FADS2: variants seen among roughly 807,000 people sequenced by gnomAD.
The protein encoded by FADS2 is acyl-CoA 6-desaturase.
A neutral mutation model predicts 61.2 loss-of-function variants in FADS2; 18 were observed. That is an observed-to-expected ratio of 0.29 (90% CI 0.20 to 0.44). The LOEUF is 0.44. Ranked by LOEUF, FADS2 falls within the 20% of genes least tolerant of loss-of-function variation. The pLI is 1.00. For synonymous variants in FADS2, 203 were observed against 223.9 expected (o/e 0.91, Z 0.83); for missense variants, 322 against 572.7 (o/e 0.56, Z 4.47).
chr11:61,863,997 C>T (rs2067440422), intron 10 of FADS2: 2 of 541,298 alleles, frequency 3.7e-6, no homozygotes, highest in Admixed American at 3.0e-5. Context: ...CTGTGCCCCT[C>T]ATGCTGTGCC....
intron 10 of FADS2, chr11:61,864,115 C>T (rs1430074925): frequency 2.4e-5 from 7 of 288,926 alleles, no homozygotes; most frequent in Admixed American, 1.9e-4. Context: ...GGCAGGGCTA[C>T]GTAGCTTGCC....
chr11:61,824,148 G>A (rs1386816359), upstream of FADS2, among the ~76,000 whole-genome samples: 4 of 151,888 alleles, frequency 2.6e-5, no homozygotes, highest in African/African-American at 9.7e-5. Flanking sequence ...TTGGGAGGCC[G>A]AGGTGGGCAG....
chr11:61,857,208 C>T, intron 6 of FADS2, 137 bp downstream of exon 6: 1 of 825,372 alleles, frequency 1.2e-6, no homozygotes, highest in Non-Finnish European at 2.0e-6. Context: ...CCACAGCAGC[C>T]TTGCTGTGCA....
At chr11:61,820,100 G>A (rs914263136) in intron 1 of FADS2, among the ~76,000 whole-genome samples, 8 of 151,944 alleles carry the variant, frequency 5.3e-5, no homozygotes, top group South Asian at 4.2e-4. Flanking sequence ...AGCTACTTGG[G>A]AGGCTGAGTC....
In FADS2 at chr11:61,863,323, A is replaced by G; in HGVS notation, c.1022A>G (p.Asn341Ser). Residue 341 changes from asparagine to serine, a missense_variant, in exon 9 of 12, where the codon AAT (asparagine) becomes AGT (serine). Transcript: ENST00000278840. ...TGGTTTGTGTGGGTCACACAGATGA[A>G]TCACATCGTCATGGAGATTGACCAG... The part of the protein sequence containing the change: ...SHWFVWVTQM[N>S]HIVMEIDQEA... 6.2e-7 allele frequency: 1 copy of G among 1,614,098 alleles called. No individual in the cohort carries two copies. The highest frequency in any genetic ancestry group is 8.5e-7 in the Non-Finnish European group (1 of 1,179,996).
chr11:61,857,858 A>G (rs768340654), intron 7 of FADS2, among the ~76,000 whole-genome samples: 1 of 152,188 alleles, frequency 6.6e-6, no homozygotes, highest in Non-Finnish European at 1.5e-5. Context: ...CCTGAGTCCC[A>G]TGAACTGGGT....
Position 61,865,581 on chromosome 11 carries a change from C to T in FADS2, c.1284-57C>T. 6.6e-7 allele frequency: 1 copy of T among 1,524,164 alleles called. No homozygotes were observed. The highest frequency in any genetic ancestry group is 1.7e-5 in the Admixed American group (1 of 58,384). The allele number at this position is 1,524,164 out of a possible 1,614,324, so 94.4% of individuals were successfully genotyped here. ...AATGATGGCCTCCTCAGCCCTTGCACTCCCTGGGGCCACTCCCGTCCTGGT... is the reference window on the plus strand; with the variant it reads ...AATGATGGCCTCCTCAGCCCTTGCATTCCCTGGGGCCACTCCCGTCCTGGT... On this transcript the variant is annotated intron_variant, in intron 11 of 11. Transcript: ENST00000278840. This position sits in a 1 kb window ranked among gnomAD's most constrained non-coding sequence, Gnocchi z 4.1.
intron 4 of FADS2, among the ~76,000 whole-genome samples, chr11:61,841,465 G>A (rs1182511428): frequency 6.6e-6 from 1 of 151,264 alleles, no homozygotes; most frequent in African/African-American, 2.4e-5. Context: ...CTGGGAGGCT[G>A]AGGCAGGAGA....
chr11:61,824,436 GA>G, upstream of FADS2, among the ~76,000 whole-genome samples: 3 of 2,412 alleles, frequency 1.2e-3, no homozygotes, highest in Admixed American at 6.5e-3. Context: ...GAGAGAGAGG[GA>G]GGGAGGGAGG....
intron 4 of FADS2, among the ~76,000 whole-genome samples, chr11:61,841,981 C>T (rs1411090416): frequency 6.6e-6 from 1 of 152,204 alleles, no homozygotes; most frequent in Admixed American, 6.5e-5. Context: ...ATCTGACAGG[C>T]GTTATCTCCT....
At chr11:61,827,938 TG>T, upstream of FADS2, 2 of 689,462 alleles carry the variant, frequency 2.9e-6, no homozygotes, top group Non-Finnish European at 3.6e-6. This position sits in a 1 kb window ranked among gnomAD's most constrained non-coding sequence, Gnocchi z 4.5. Context: ...AAGATCCTCC[TG>T]GGCCAATGGC....
In FADS2 at chr11:61,855,573, C is replaced by T. The variant is rs1182201911; in HGVS notation, c.745-1438C>T. The T allele has an allele frequency of 2.6e-5, 4 of 152,370 alleles. 1 individual carries two copies. In the Middle Eastern group the frequency reaches 0.01, roughly 389 times the overall value. The allele number at this position is 152,370 out of a possible 1,614,324, so 9.4% of individuals were successfully genotyped here. ...TTCTGGGAATGAGTGAGATCCTTGC[C>T]AAGGCTCAGGAGGCCACACAGAACA... On this transcript the variant is annotated intron_variant, in intron 5 of 11. Coordinates refer to ENST00000278840, the MANE Select transcript of FADS2 (RefSeq NM_004265.4).
chr11:61,851,795 G>A (rs1040250185), intron 5 of FADS2, among the ~76,000 whole-genome samples: 1 of 152,266 alleles, frequency 6.6e-6, no homozygotes, highest in African/African-American at 2.4e-5. Context: ...TGAATAGCGC[G>A]GGCTCCGCAG....
intron 1 of FADS2, among the ~76,000 whole-genome samples, chr11:61,818,120 A>AT (rs1472257011): frequency 1.3e-5 from 2 of 152,222 alleles, no homozygotes; most frequent in Non-Finnish European, 2.9e-5. Flanking sequence ...ACTGAGCTAG[A>AT]TTCTGAGCAC....
chr11:61,837,594 G>A (rs1474671592), intron 1 of FADS2, among the ~76,000 whole-genome samples, 184 bp from the exon 2 acceptor site: 2 of 152,234 alleles, frequency 1.3e-5, no homozygotes, highest in South Asian at 2.1e-4. Flanking sequence ...TGCCATTGGC[G>A]TTGGGCACTG....
rs2067234074 is a variant in FADS2 at position 61,843,717 on chromosome 11, G to A, written c.618+2992G>A. On this transcript the variant is annotated intron_variant, in intron 4 of 11. Transcript: ENST00000278840. The stretch of plus-strand genomic sequence containing the variant: ...CTTGTCGCCCAGGCTGGAGTGCAAT[G>A]GCGTGATCTCAACTCACTGAAACCT... 1.3e-5 allele frequency among the ~76,000 whole-genome samples: 2 copies of A among 152,184 alleles called. 1 individual carries two copies. The highest frequency in any genetic ancestry group is 4.1e-4 in the South Asian group (2 of 4,820).
rs180980533 is a variant in FADS2, at chr11:61,841,525, C to G, written c.618+800C>G. Among the ~76,000 whole-genome samples, 162 of 147,532 alleles carry G rather than the reference C, an allele frequency of 1.1e-3. 1 individual carries two copies. Among genetic ancestry groups the G allele is most frequent in the African/African-American group, 3.8e-3 (153 of 39,938 alleles). ...ACCAGCCTGGGCAACATAGTGAGACCCCCCCCCATCTCTCAAAAAAAAAAA... is the reference window on the plus strand; with the variant it reads ...ACCAGCCTGGGCAACATAGTGAGACGCCCCCCCATCTCTCAAAAAAAAAAA... On this transcript the variant is annotated intron_variant, in intron 4 of 11. Coordinates refer to ENST00000278840, the MANE Select transcript of FADS2 (RefSeq NM_004265.4).
chr11:61,860,110 G>A (rs2067400469), intron 7 of FADS2, among the ~76,000 whole-genome samples: 2 of 152,264 alleles, frequency 1.3e-5, no homozygotes, highest in Admixed American at 1.3e-4. Flanking sequence ...CTGGTTCTCA[G>A]GGGAGCTGTT....
chr11:61,858,625 G>A lies in FADS2; in HGVS notation c.882+1095G>A, dbSNP rs534323295. On this transcript the variant is annotated intron_variant, in intron 7 of 11. Coordinates refer to ENST00000278840, the MANE Select transcript of FADS2 (RefSeq NM_004265.4). ...TTTTGAGATGGTGTTTCGCTCTGTC[G>A]CCCAGGCTGGAGTGCAGTGGTGCGA... Among the ~76,000 whole-genome samples the A allele has an allele frequency of 1.0e-4, 15 of 146,926 alleles. No homozygotes were observed. The South Asian group carries it at 2.0e-3, about 19-fold the overall frequency.
Sources: gnomAD v4.1 joint callset for allele counts (sites outside exome capture counted in the v4.1 genomes callset) on GRCh38, gnomAD v4.1.1 for gene constraint, Gnocchi (gnomAD v3.1) non-coding constraint, MANE v1.5 for transcripts, NCBI Gene and HGNC (gene_info 2026-07-23, HGNC 2026-07-21) for gene names.